The following SEMA5A variants were observed in gnomAD, a reference collection of about 807,000 sequenced individuals.
SEMA5A encodes semaphorin 5A, also known as semaphorin-5A.
In SEMA5A, 55 loss-of-function variants were observed where a neutral mutation model predicts 135.5. The observed-to-expected ratio is 0.41, with a 90% CI of 0.33 to 0.51. SEMA5A has a LOEUF of 0.51. Ranked by LOEUF, SEMA5A falls within the 20% of genes least tolerant of loss-of-function variation. The pLI, the probability that SEMA5A is intolerant of heterozygous loss-of-function variation, is 0.37. For synonymous variants in SEMA5A, 580 were observed against 546.5 expected (o/e 1.06, Z -0.85); for missense variants, 1,290 against 1,419.9 (o/e 0.91, Z 1.47).
intron 1 of SEMA5A, among the ~76,000 whole-genome samples, chr5:9,476,302 A>G (rs1759664385): frequency 6.6e-6 from 1 of 152,228 alleles, no homozygotes; most frequent in African/African-American, 2.4e-5. Flanking sequence ...GAAATTTCCT[A>G]AAGCACCAAA....
chr5:9,384,242 G>A (rs565110562), intron 2 of SEMA5A, among the ~76,000 whole-genome samples: 2 of 152,002 alleles, frequency 1.3e-5, no homozygotes, highest in East Asian at 3.9e-4. Context: ...TAAATAGCAG[G>A]TCCCTCCTTC....
At chr5:9,495,805 T>G (rs1035050275) in intron 1 of SEMA5A, among the ~76,000 whole-genome samples, 12 of 152,234 alleles carry the variant, frequency 7.9e-5, no homozygotes, top group African/African-American at 2.9e-4. Flanking sequence ...TTCTTCCAGT[T>G]TAGCAATTTG....
intron 16 of SEMA5A, among the ~76,000 whole-genome samples, chr5:9,087,509 T>C (rs1738764195): frequency 6.6e-6 from 1 of 151,762 alleles, no homozygotes; most frequent in Non-Finnish European, 1.5e-5. Flanking sequence ...TTTAAATTTG[T>C]ATTTTTAGCC....
chr5:9,088,038 AGCAAAAGT>A (rs1738800328), intron 16 of SEMA5A, among the ~76,000 whole-genome samples: 1 of 152,214 alleles, frequency 6.6e-6, no homozygotes, highest in African/African-American at 2.4e-5. Context: ...CTATAATCCC[AGCAAAAGT>A]GCAAAAGTGG....
chr5:9,316,059 C>T (rs1240719257), intron 5 of SEMA5A, among the ~76,000 whole-genome samples: 1 of 152,034 alleles, frequency 6.6e-6, no homozygotes, highest in Non-Finnish European at 1.5e-5. Context: ...CATTTGTTTA[C>T]TCATTTATTT....
At position 9,215,941 on chromosome 5, in the gene SEMA5A, G is replaced by T. The variant is rs894533769; in HGVS notation, c.646+8733C>A. ...TTGTTGTCTAGATGAGCACTGTGGG[G>T]CTCAGAGAGATTTGCCCTTTAAACA... On this transcript the variant is annotated intron_variant, in intron 8 of 22. Transcript: ENST00000382496. 2.6e-5 allele frequency among the ~76,000 whole-genome samples: 4 copies of T among 152,030 alleles called. No homozygotes were observed. In the East Asian group the frequency reaches 7.7e-4, roughly 29 times the overall value.
At chr5:9,386,164 G>A (rs559475490) in intron 2 of SEMA5A, among the ~76,000 whole-genome samples, 5 of 152,096 alleles carry the variant, frequency 3.3e-5, no homozygotes, top group African/African-American at 9.6e-5. Flanking sequence ...CTGTTTTAAG[G>A]GATCAGATGA....
chr5:9,185,271 T>C (rs1280958466), intron 11 of SEMA5A, among the ~76,000 whole-genome samples: 1 of 152,156 alleles, frequency 6.6e-6, no homozygotes, highest in African/African-American at 2.4e-5. Context: ...CACAATACAA[T>C]TAACCTTGGG....
rs1330772749 is a variant in SEMA5A at position 9,546,016 on chromosome 5, C to G, written c.-607G>C. The G allele has an allele frequency of 6.6e-6, 1 of 152,228 alleles. No homozygotes were observed. The highest frequency in any genetic ancestry group is 2.4e-5 in the African/African-American group (1 of 41,458). 9.4% of individuals were successfully genotyped at this position (152,228 alleles called of 1,614,324 possible). A position where few individuals can be genotyped will look rare whatever the true frequency, so the allele number is the denominator to read the frequency against. ...GCGAAGCCCACCCGCGGCGGGAAAGCAGCGCTCGGGAGCGGGCTCAGGGAG... is the reference window on the plus strand; with the variant it reads ...GCGAAGCCCACCCGCGGCGGGAAAGGAGCGCTCGGGAGCGGGCTCAGGGAG... On this transcript the variant is annotated 5_prime_UTR_variant, in exon 1 of 23. Coordinates refer to ENST00000382496, the MANE Select transcript of SEMA5A (RefSeq NM_003966.3).
intron 3 of SEMA5A, among the ~76,000 whole-genome samples, chr5:9,342,632 C>T (rs1753700820): frequency 6.6e-6 from 1 of 152,168 alleles, no homozygotes; most frequent in Non-Finnish European, 1.5e-5. Flanking sequence ...CAGCCTACTT[C>T]TATTTATCAT....
At chr5:9,475,842 C>T (rs1377420633) in intron 1 of SEMA5A, among the ~76,000 whole-genome samples, 2 of 152,198 alleles carry the variant, frequency 1.3e-5, no homozygotes, top group African/African-American at 4.8e-5. Context: ...ACGTTTTAAA[C>T]TAACATATGG....
At chr5:9,389,948 T>A (rs956054687) in intron 2 of SEMA5A, among the ~76,000 whole-genome samples, 2 of 152,200 alleles carry the variant, frequency 1.3e-5, no homozygotes, top group Non-Finnish European at 2.9e-5. Context: ...CTGGACATAG[T>A]GCAGAAAAAC....
intron 5 of SEMA5A, among the ~76,000 whole-genome samples, chr5:9,258,932 C>T (rs1224483460): frequency 6.9e-6 from 1 of 145,010 alleles, no homozygotes; most frequent in East Asian, 2.2e-4. Context: ...AAGCAATTCT[C>T]GTGCCTCAGC....
chr5:9,106,956 G>T (rs1056184337), intron 16 of SEMA5A, among the ~76,000 whole-genome samples: 4 of 152,134 alleles, frequency 2.6e-5, no homozygotes, highest in Non-Finnish European at 5.9e-5. Flanking sequence ...TGGGTCTGGT[G>T]TAATATCTGA....
intron 18 of SEMA5A, among the ~76,000 whole-genome samples, chr5:9,057,105 T>C (rs1398137646): frequency 6.6e-6 from 1 of 152,068 alleles, no homozygotes; most frequent in Non-Finnish European, 1.5e-5. Context: ...AGTAAAACGG[T>C]GGTTGCCAGG....
chr5:9,299,509 T>G (rs1251174385), intron 5 of SEMA5A, among the ~76,000 whole-genome samples: 2 of 152,136 alleles, frequency 1.3e-5, no homozygotes, highest in Non-Finnish European at 2.9e-5. Flanking sequence ...CTTGTATTTT[T>G]ACCAGCTTCC....
chr5:9,188,907 C>G (rs888487511), intron 11 of SEMA5A, among the ~76,000 whole-genome samples: 2 of 152,218 alleles, frequency 1.3e-5, no homozygotes. Flanking sequence ...GCAGCTGGTT[C>G]CATCTGACTT....
Position 9,042,990 on chromosome 5 carries a change from T to C in SEMA5A, c.3132A>G (p.Leu1044=). Residue 1044 remains leucine (L), a synonymous_variant, in exon 23 of 23, where the codon CTA becomes CTG. Transcript: ENST00000382496. ...GGTTGAAGTATTTGTTTCTTTCCTC[T>C]AGGATCAAGTTGTTTTTGTTAAATG... The part of the protein sequence containing the change: ...IKAFNKNNLI[L]EERNKYFNPH... The C allele has an allele frequency of 6.2e-7, 1 of 1,611,238 alleles. No homozygotes were observed. Among genetic ancestry groups the C allele is most frequent in the Non-Finnish European group, 8.5e-7 (1 of 1,178,604 alleles).
intron 1 of SEMA5A, among the ~76,000 whole-genome samples, chr5:9,452,471 C>A (rs1758681405): frequency 6.6e-6 from 1 of 152,194 alleles, no homozygotes; most frequent in Non-Finnish European, 1.5e-5. Context: ...CTCTCTCAGG[C>A]AAGATGCATC....
Sources: gnomAD v4.1 joint callset for allele counts (sites outside exome capture counted in the v4.1 genomes callset) on GRCh38, gnomAD v4.1.1 for gene constraint, MANE v1.5 for transcripts, NCBI Gene and HGNC (gene_info 2026-07-23, HGNC 2026-07-21) for gene names.